JHY: variants seen among roughly 807,000 people sequenced by gnomAD.
JHY encodes junctional cadherin complex regulator.
JHY carries 69 observed loss-of-function variants against 78.0 expected under a neutral mutation model. The ratio of observed to expected loss-of-function variants is 0.88; its 90% CI spans 0.73 to 1.08. The LOEUF (loss-of-function observed/expected upper bound fraction) is 1.08. Among genes scored for constraint, JHY ranks in the 50% least tolerant of loss-of-function variants. The pLI, the probability that JHY is intolerant of heterozygous loss-of-function variation, is 0.00. For missense variants in JHY, 944 were observed against 927.8 expected, an observed-to-expected ratio of 1.02 and a Z score of -0.23; for synonymous variants, 368 against 342.6, an observed-to-expected ratio of 1.07 and a Z score of -0.82.
intron 8 of JHY, 63 bp downstream of exon 8, chr11:122,957,554 CG>C: frequency 2.7e-6 from 2 of 750,404 alleles, no homozygotes; most frequent in Non-Finnish European, 1.9e-6. Flanking sequence ...CTTTTATTAT[CG>C]CTTTTTTTTT....
rs780968377 is a variant in JHY, at chr11:122,934,988, A to G, written c.1547A>G (p.His516Arg). 74 of 1,613,724 alleles carry G rather than the reference A, an allele frequency of 4.6e-5. 1 individual carries two copies. The South Asian group carries it at 7.7e-4, about 17-fold the overall frequency. ...LSQKGSQFVY[H>R]INTHGSTKNK... ...CAGAAAGGCTCTCAGTTTGTTTATC[A>G]CATAAATACTCATGGATCAACCAAA... Residue 516 changes from histidine to arginine, a missense_variant, in exon 5 of 9, where the codon CAC becomes CGC. Physicochemically the swap from His to Arg is conservative, Grantham distance 29 (BLOSUM62 0). Coordinates refer to ENST00000227349, the MANE Select transcript of JHY (RefSeq NM_024806.4).
intron 3 of JHY, among the ~76,000 whole-genome samples, chr11:122,916,914 C>T (rs1863245939): frequency 6.6e-6 from 1 of 152,112 alleles, no homozygotes; most frequent in Non-Finnish European, 1.5e-5. Context: ...CAGGCATGAG[C>T]TACTGCACCT....
intron 4 of JHY, among the ~76,000 whole-genome samples, chr11:122,930,495 G>A (rs1863615515): frequency 6.6e-6 from 1 of 152,132 alleles, no homozygotes; most frequent in East Asian, 1.9e-4. Context: ...ACCAGAGAAA[G>A]GGCGAGAAAA....
intron 6 of JHY, among the ~76,000 whole-genome samples, chr11:122,948,468 A>ATAATCATAATC (rs1565336607): frequency 2.7e-5 from 4 of 148,376 alleles, no homozygotes; most frequent in African/African-American, 1.0e-4. Context: ...TAATAATAAT[A>ATAATCATAATC]ATAATAATAA....
At chr11:122,913,114 G>A (rs1024704765) in intron 3 of JHY, among the ~76,000 whole-genome samples, 3 of 152,100 alleles carry the variant, frequency 2.0e-5, no homozygotes, top group Admixed American at 6.5e-5. Flanking sequence ...GAGGCCATTC[G>A]ATGGTGAGAC....
In JHY at chr11:122,959,439, C is replaced by T. The variant is rs375363167; in HGVS notation, c.2331C>T (p.Ile777=). The part of the protein sequence containing the change: ...QAVAAFKVLH[I]V Reference sequence around the variant, plus strand: ...TGGCTGCTTTCAAAGTCCTTCACATCGTATAGACAACATTTGATAGGAAGG... The same window carrying T: ...TGGCTGCTTTCAAAGTCCTTCACATTGTATAGACAACATTTGATAGGAAGG... The change falls in exon 9 of 9, where the codon ATC becomes ATT. Residue 777 remains isoleucine, a synonymous_variant. Transcript: ENST00000227349. 1.6e-5 allele frequency: 26 copies of T among 1,613,788 alleles called. No homozygotes were observed. Among genetic ancestry groups the T allele is most frequent in the African/African-American group, 2.7e-5 (2 of 74,886 alleles).
chr11:122,893,899 G>C (rs976139286), intron 2 of JHY, among the ~76,000 whole-genome samples: 1 of 152,144 alleles, frequency 6.6e-6, no homozygotes, highest in East Asian at 1.9e-4. Flanking sequence ...GTGGTGGAAA[G>C]ACTTGCCCAA....
At chr11:122,903,438 C>G (rs1159573809) in intron 2 of JHY, among the ~76,000 whole-genome samples, 1 of 152,042 alleles carries the variant, frequency 6.6e-6, no homozygotes, top group South Asian at 2.1e-4. Flanking sequence ...GTGTGTGGGT[C>G]TAATTTGGGC....
chr11:122,926,501 T>C (rs1863510553), intron 4 of JHY, among the ~76,000 whole-genome samples: 1 of 152,126 alleles, frequency 6.6e-6, no homozygotes, highest in Admixed American at 6.6e-5. Flanking sequence ...TCTTAAGAGT[T>C]GCAAAAAAAG....
At chr11:122,905,022 T>A in intron 3 of JHY, 1 of 693,102 alleles carries the variant, frequency 1.4e-6, no homozygotes, top group East Asian at 2.7e-5. Context: ...TAAGGTGGGT[T>A]TTTTTTTTCA....
chr11:122,941,756 ATGG>A (rs1565333035), intron 5 of JHY, among the ~76,000 whole-genome samples: 25 of 152,344 alleles, frequency 1.6e-4, no homozygotes, highest in Middle Eastern at 3.4e-3. Flanking sequence ...AAAACATTAC[ATGG>A]TAACCAGCTG....
In JHY at chr11:122,934,487, C is replaced by G. The variant is rs763609274; in HGVS notation, c.1046C>G (p.Ser349Cys). ...KSSNVPRGQP[S>C]DMVNDHQPSR... ...AGCAATGTACCAAGAGGGCAACCTT[C>G]TGACATGGTGAATGACCATCAACCT... The change falls in exon 5 of 9, where the codon TCT becomes TGT. Residue 349 changes from serine to cysteine, a missense_variant. By Grantham distance (112) the Ser-to-Cys change is moderately radical. Coordinates refer to ENST00000227349, the MANE Select transcript of JHY (RefSeq NM_024806.4). The G allele has an allele frequency of 1.2e-5, 20 of 1,614,014 alleles. No homozygotes were observed. The East Asian group carries it at 2.2e-4, about 18-fold the overall frequency.
chr11:122,921,018 A>G (rs1459699644), intron 3 of JHY, among the ~76,000 whole-genome samples: 4 of 150,110 alleles, frequency 2.7e-5, no homozygotes, highest in South Asian at 2.1e-4. Flanking sequence ...TTTGATTGGT[A>G]TTAATAGAAT....
chr11:122,917,287 TCACTTCATC>T lies in JHY; in HGVS notation c.865-7607_865-7599del, dbSNP rs995419824. 2.0e-5 allele frequency among the ~76,000 whole-genome samples: 3 copies of T among 152,200 alleles called. No individual in the cohort carries two copies. The highest frequency in any genetic ancestry group is 7.2e-5 in the African/African-American group (3 of 41,454). On this transcript the variant is annotated intron_variant, in intron 3 of 8. Transcript: ENST00000227349. The surrounding 1 kb of genome is among the most constrained non-coding windows in gnomAD (Gnocchi z 4.1). The stretch of plus-strand genomic sequence containing the variant: ...AGGATATCTTCAAGACTAGAAAATG[TCACTTCATC>T]CAGTGAGTTAGTTAAGGAGAAGGTG...
intron 5 of JHY, among the ~76,000 whole-genome samples, chr11:122,938,056 G>A (rs1226806229): frequency 2.0e-5 from 3 of 151,850 alleles, no homozygotes; most frequent in Non-Finnish European, 4.4e-5. Flanking sequence ...GGAAGCTTTA[G>A]GATCTTTTCT....
chr11:122,954,155 C>T (rs1328145059), intron 6 of JHY, among the ~76,000 whole-genome samples: 1 of 152,174 alleles, frequency 6.6e-6, no homozygotes, highest in East Asian at 1.9e-4. Context: ...CAGCTCAGAA[C>T]ATCAGAACCA....
rs760512913 is a variant in JHY at position 122,923,883 on chromosome 11, ATTT to A, written c.865-989_865-987del. 5.5e-3 allele frequency among the ~76,000 whole-genome samples: 548 copies of A among 100,482 alleles called. 4 individuals are homozygous for A. Among genetic ancestry groups the A allele is most frequent in the African/African-American group, 0.023 (504 of 22,334 alleles). The allele number at this position is 100,482 out of a possible 152,430, so 65.9% of individuals were successfully genotyped here. A position where few individuals can be genotyped will look rare whatever the true frequency, so the allele number is the denominator to read the frequency against. ...AGACCCCAGTCACCACGCCTGGCTA[ATTT>A]TTTTTTTTTTTTTTTTTTTTTTTTG... On this transcript the variant is annotated intron_variant, in intron 3 of 8. Coordinates refer to ENST00000227349, the MANE Select transcript of JHY (RefSeq NM_024806.4).
intron 3 of JHY, among the ~76,000 whole-genome samples, chr11:122,919,366 A>G (rs1329095488): frequency 7.2e-6 from 1 of 139,710 alleles, no homozygotes; most frequent in African/African-American, 3.0e-5. Flanking sequence ...AAAAAAAAAA[A>G]AAAAAAAAAA....
At chr11:122,922,175 G>A (rs1240605296) in intron 3 of JHY, among the ~76,000 whole-genome samples, 1 of 152,068 alleles carries the variant, frequency 6.6e-6, no homozygotes, top group Non-Finnish European at 1.5e-5. Context: ...CGTGTTTTAG[G>A]AATGAAAATT....
Sources: gnomAD v4.1 joint callset for allele counts (sites outside exome capture counted in the v4.1 genomes callset) on GRCh38, gnomAD v4.1.1 for gene constraint, Gnocchi (gnomAD v3.1) non-coding constraint, MANE v1.5 for transcripts, NCBI Gene and HGNC (gene_info 2026-07-23, HGNC 2026-07-21) for gene names.